Variants in ADCY5 observed in about 807,000 individuals in gnomAD.
The protein encoded by ADCY5 is adenylate cyclase type 5.
A neutral mutation model predicts 119.7 loss-of-function variants in ADCY5; 30 were observed. That is an observed-to-expected ratio of 0.25 (90% CI 0.19 to 0.34). The LOEUF is 0.34. Among genes scored for constraint, ADCY5 ranks in the 10% least tolerant of loss-of-function variants. The pLI is 1.00. For synonymous variants in ADCY5, 753 were observed against 762.2 expected, an observed-to-expected ratio of 0.99 and a Z score of 0.20; for missense variants, 1,324 against 1,775.2, an observed-to-expected ratio of 0.75 and a Z score of 4.57.
intron 17 of ADCY5, among the ~76,000 whole-genome samples, chr3:123,293,964 G>A (rs369581662): frequency 1.9e-4 from 29 of 152,316 alleles, no homozygotes; most frequent in African/African-American, 4.6e-4. Flanking sequence ...ATTAGCCTGC[G>A]ATCGCGTGTG....
intron 12 of ADCY5, among the ~76,000 whole-genome samples, chr3:123,308,384 G>A (rs1940330007): frequency 6.6e-6 from 1 of 152,074 alleles, no homozygotes; most frequent in Admixed American, 6.6e-5. Context: ...TAAAACCTCA[G>A]TAGGAACTCA....
intron 11 of ADCY5, among the ~76,000 whole-genome samples, chr3:123,317,276 T>G (rs989157533): frequency 6.6e-6 from 1 of 152,134 alleles, no homozygotes; most frequent in African/African-American, 2.4e-5. Context: ...CCTCCAGAAC[T>G]TGAAATCCAT....
chr3:123,419,112 G>A (rs1298353736), intron 1 of ADCY5: 2 of 977,586 alleles, frequency 2.0e-6, no homozygotes, highest in East Asian at 1.1e-4. Context: ...TAAATCCTAA[G>A]GGTTCTGTTT....
rs750436330 is a variant in ADCY5, at chr3:123,347,815, T to G, written c.1373A>C (p.His458Pro). 2 of 1,614,132 alleles carry G rather than the reference T, an allele frequency of 1.2e-6. No homozygotes were observed. Among genetic ancestry groups the G allele is most frequent in the Admixed American group, 3.3e-5 (2 of 60,032 alleles). ...GTCATGTTTCTGGATGTAAATCTTA[T>G]GGAACATCATATCCTCCTGCTTGGC... ...INAKQEDMMF[H>P]KIYIQKHDNV... Residue 458 changes from histidine (H) to proline (P), a missense_variant, in exon 3 of 21, where the codon CAT (histidine) becomes CCT (proline). His to Pro is a moderately conservative substitution (Grantham distance 77). This residue lies in a region of ADCY5 where 123 missense variants were observed against 287.9 expected (regional missense o/e 0.43). Coordinates refer to ENST00000462833, the MANE Select transcript of ADCY5 (RefSeq NM_183357.3).
chr3:123,363,372 C>T (rs528056195), intron 1 of ADCY5, among the ~76,000 whole-genome samples: 18 of 152,258 alleles, frequency 1.2e-4, no homozygotes, highest in African/African-American at 4.3e-4. Flanking sequence ...ATGGAATAGG[C>T]ACCCTCCTAC....
chr3:123,410,517 T>C (rs886723461), intron 1 of ADCY5, among the ~76,000 whole-genome samples: 6 of 152,190 alleles, frequency 3.9e-5, no homozygotes, highest in Non-Finnish European at 5.9e-5. Flanking sequence ...GCCTTTGGAA[T>C]GACCAGGTGA....
chr3:123,414,812 C>CTGGTGGGCCAGGCTGTAA (rs1415511778), intron 1 of ADCY5, among the ~76,000 whole-genome samples: 2 of 152,224 alleles, frequency 1.3e-5, no homozygotes, highest in Non-Finnish European at 2.9e-5. Context: ...CCACCTCAGC[C>CTGGTGGGCCAGGCTGTAA]TCCCAAAGTG....
chr3:123,400,094 G>A (rs1427130567), intron 1 of ADCY5, among the ~76,000 whole-genome samples: 13 of 152,188 alleles, frequency 8.5e-5, no homozygotes, highest in Admixed American at 8.5e-4. Context: ...AGGAGGGACT[G>A]GGACACTGCT....
In ADCY5 at chr3:123,448,359, G is replaced by C. The variant is rs759057691; in HGVS notation, c.187C>G (p.Pro63Ala). Residue 63 changes from proline (P) to alanine (A), a missense_variant, in exon 1 of 21, where the codon CCG (proline) becomes GCG (alanine). Transcript: ENST00000462833. ...CTGGCCAGGCGCTGCTGCTGCTGCGGGGTCACCGCCCCCCCGGGTTTCTTG... is the reference window on the plus strand; with the variant it reads ...CTGGCCAGGCGCTGCTGCTGCTGCGCGGTCACCGCCCCCCCGGGTTTCTTG... ...STKKPGGAVT[P>A]QQQQRLASRW... is the part of the protein sequence containing the mutation. 1.3e-6 allele frequency: 2 copies of C among 1,511,538 alleles called. No homozygotes were observed. Among genetic ancestry groups the C allele is most frequent in the Admixed American group, 4.2e-5 (2 of 48,136 alleles). 93.6% of individuals were successfully genotyped at this position (1,511,538 alleles called of 1,614,324 possible). A position where few individuals can be genotyped will look rare whatever the true frequency, so the allele number is the denominator to read the frequency against.
chr3:123,330,144 G>A (rs1396047914), intron 5 of ADCY5, among the ~76,000 whole-genome samples: 1 of 152,194 alleles, frequency 6.6e-6, no homozygotes, highest in Non-Finnish European at 1.5e-5. Flanking sequence ...GGGGACACTT[G>A]GCAAGTGCTG....
At chr3:123,322,474 G>C (rs1941270213) in intron 8 of ADCY5, among the ~76,000 whole-genome samples, 1 of 152,108 alleles carries the variant, frequency 6.6e-6, no homozygotes, top group Non-Finnish European at 1.5e-5. Flanking sequence ...TCAGCGCCAG[G>C]TCGGCATGGC....
intron 3 of ADCY5, among the ~76,000 whole-genome samples, chr3:123,346,723 A>G (rs1942585751): frequency 6.6e-6 from 1 of 151,870 alleles, no homozygotes; most frequent in Non-Finnish European, 1.5e-5. Flanking sequence ...ACGCAGGCCA[A>G]GCCTCCAAAG....
At chr3:123,351,029 G>A (rs1433697442) in intron 2 of ADCY5, among the ~76,000 whole-genome samples, 1 of 152,160 alleles carries the variant, frequency 6.6e-6, no homozygotes, top group Non-Finnish European at 1.5e-5. Flanking sequence ...CAGGGACCCT[G>A]CCAGCAAGGG....
chr3:123,285,892 G>C (rs1938720989), intron 20 of ADCY5, among the ~76,000 whole-genome samples: 3 of 152,222 alleles, frequency 2.0e-5, no homozygotes, highest in Admixed American at 2.0e-4. Context: ...CTGTGCTTGG[G>C]GTCAGGCCCT....
rs1938485054 is a variant in ADCY5, at chr3:123,283,171, C to T, written c.*1437G>A. 1 of 152,220 alleles carries T rather than the reference C, an allele frequency of 6.6e-6. No individual in the cohort carries two copies. The highest frequency in any genetic ancestry group is 1.5e-5 in the Non-Finnish European group (1 of 68,062). 9.4% of individuals were successfully genotyped at this position (152,220 alleles called of 1,614,324 possible). A position where few individuals can be genotyped will look rare whatever the true frequency, so the allele number is the denominator to read the frequency against. ...ACCTGAAGGCTGCACATTGCATCCC[C>T]CAGTCTGAGTGAACATCTCCAGGAA... is the stretch of plus-strand genomic sequence containing the variant. On this transcript the variant is annotated 3_prime_UTR_variant, in exon 21 of 21. Transcript: ENST00000462833.
Position 123,317,563 on chromosome 3 carries a change from C to T in ADCY5, c.2354+457G>A, listed in dbSNP as rs563463025. On this transcript the variant is annotated intron_variant, in intron 11 of 20. Transcript: ENST00000462833. ...CAGCCTGGGCAACATGGTGAAACCC[C>T]GTCTCTACTAAAATACAAAAAACTA... Among the ~76,000 whole-genome samples, 301 of 151,628 alleles carry T rather than the reference C, an allele frequency of 2.0e-3. 1 individual carries two copies. Among genetic ancestry groups the T allele is most frequent in the African/African-American group, 6.6e-3 (275 of 41,360 alleles).
At chr3:123,348,071 A>ATGTGTG (rs1159589053) in intron 2 of ADCY5, among the ~76,000 whole-genome samples, 168 bp from the exon 3 acceptor site, 125 of 49,584 alleles carry the variant, frequency 2.5e-3, no homozygotes, top group Non-Finnish European at 3.1e-3. Flanking sequence ...GTGTCTGTGC[A>ATGTGTG]TGTGTGTGTA....
At position 123,448,187 on chromosome 3, in the gene ADCY5, C is replaced by T. The variant is rs1305758357; in HGVS notation, c.359G>A (p.Arg120Gln). 7 of 1,215,576 alleles carry T rather than the reference C, an allele frequency of 5.8e-6. No individual in the cohort carries two copies. The African/African-American group carries it at 9.5e-5, about 17-fold the overall frequency. The allele number at this position is 1,215,576 out of a possible 1,614,324, so 75.3% of individuals were successfully genotyped here. ...DCGRGSRRQR[R>Q]GAASGGSTRA... Reference sequence around the variant, plus strand: ...GGTGCTGCCCCCGCTGGCCGCGCCCCGCCGCTGCCGGCGGCTGCCGCGACC... The same window carrying T: ...GGTGCTGCCCCCGCTGGCCGCGCCCTGCCGCTGCCGGCGGCTGCCGCGACC... The change falls in exon 1 of 21, where the codon CGG becomes CAG. Residue 120 changes from arginine (R) to glutamine (Q), a missense_variant. This residue lies in a region of ADCY5 where 585 missense variants were observed against 569.9 expected (regional missense o/e 1.03). Coordinates refer to ENST00000462833, the MANE Select transcript of ADCY5 (RefSeq NM_183357.3).
chr3:123,313,156 T>C (rs1013172877), intron 12 of ADCY5, among the ~76,000 whole-genome samples: 1 of 152,202 alleles, frequency 6.6e-6, no homozygotes, highest in Non-Finnish European at 1.5e-5. Flanking sequence ...TGTCCACCTC[T>C]GCACCTGCCA....
Sources: gnomAD v4.1 joint callset for allele counts (sites outside exome capture counted in the v4.1 genomes callset) on GRCh38, gnomAD v4.1.1 for gene constraint, gnomAD v4.1.1 regional missense constraint, MANE v1.5 for transcripts, NCBI Gene and HGNC (gene_info 2026-07-23, HGNC 2026-07-21) for gene names.